GTF2I: variants seen among roughly 807,000 people sequenced by gnomAD.
GTF2I encodes general transcription factor IIi.
Under a neutral mutation model 67.6 loss-of-function variants are expected in GTF2I, and 12 were observed. The observed-to-expected ratio is 0.18, with a 90% confidence interval of 0.11 to 0.29. The LOEUF (loss-of-function observed/expected upper bound fraction) is 0.29, where lower values mean the gene tolerates loss of function less well. Among genes scored for constraint, GTF2I ranks in the 10% least tolerant of loss-of-function variants. GTF2I has a pLI of 1.00. For missense variants in GTF2I, 271 were observed against 580.1 expected (o/e 0.47, Z 5.47); for synonymous variants, 149 against 197.0 (o/e 0.76, Z 2.04).
At chr7:74,662,118 C>T (rs1554386821) in intron 1 of GTF2I, among the ~76,000 whole-genome samples, 1 of 149,708 alleles carries the variant, frequency 6.7e-6, no homozygotes, top group African/African-American at 2.5e-5. Flanking sequence ...CAGAGACTGA[C>T]ATTAAAATGT....
chr7:74,681,070 G>A (rs1026635250), intron 1 of GTF2I, among the ~76,000 whole-genome samples: 1 of 152,278 alleles, frequency 6.6e-6, no homozygotes. Context: ...TCATGAAGGA[G>A]AATTAAAATC....
chr7:74,710,844 A>G (rs1791451808), intron 8 of GTF2I, among the ~76,000 whole-genome samples, 188 bp from the exon 9 acceptor site: 1 of 152,200 alleles, frequency 6.6e-6, no homozygotes, highest in South Asian at 2.1e-4. Context: ...AAAACTTTGC[A>G]TTGGCTGGGA....
intron 1 of GTF2I, among the ~76,000 whole-genome samples, chr7:74,669,061 G>A (rs1367714616): frequency 6.6e-6 from 1 of 151,804 alleles, no homozygotes; most frequent in Admixed American, 6.6e-5. Flanking sequence ...TTATCATGTC[G>A]GGAACAGTAA....
intron 18 of GTF2I, 70 bp from the exon 19 acceptor site, chr7:74,737,974 AC>A: frequency 3.8e-6 from 1 of 259,746 alleles, no homozygotes; most frequent in Non-Finnish European, 7.2e-6. Flanking sequence ...TTGGCAATGA[AC>A]AGCTGTGTGA....
chr7:74,704,276 A>ATTTATTTATTTG (rs1790277049), intron 6 of GTF2I, among the ~76,000 whole-genome samples: 1 of 147,874 alleles, frequency 6.8e-6, no homozygotes, highest in Admixed American at 6.8e-5. Context: ...ATTTTTATTT[A>ATTTATTTATTTG]TTTATTTATT....
chr7:74,705,702 C>CA (rs1399342808), intron 7 of GTF2I, among the ~76,000 whole-genome samples: 3 of 152,000 alleles, frequency 2.0e-5, no homozygotes, highest in African/African-American at 7.2e-5. Context: ...GCAGGGACTA[C>CA]AAGCATGTGC....
At chr7:74,702,826 C>T (rs1790004543) in intron 6 of GTF2I, among the ~76,000 whole-genome samples, 2 of 151,630 alleles carry the variant, frequency 1.3e-5, no homozygotes, top group Non-Finnish European at 2.9e-5. Context: ...CTCAACCTCC[C>T]AGGCTCAAGC....
At chr7:74,698,916 G>A (rs1554399105) in intron 3 of GTF2I, 45 bp from the exon 4 acceptor site, 1 of 993,878 alleles carries the variant, frequency 1.0e-6, no homozygotes, top group Non-Finnish European at 1.4e-6. Context: ...AATGGATATG[G>A]ACCTTATTAT....
At chr7:74,685,661 C>T (rs942008799) in intron 1 of GTF2I, among the ~76,000 whole-genome samples, 3 of 143,698 alleles carry the variant, frequency 2.1e-5, no homozygotes, top group African/African-American at 5.2e-5. Context: ...CAGGTACTCG[C>T]GAGGCTGAAG....
chr7:74,715,846 A>T (rs368758956), intron 10 of GTF2I, among the ~76,000 whole-genome samples: 1 of 152,118 alleles, frequency 6.6e-6, no homozygotes, highest in East Asian at 1.9e-4. Context: ...AACCAAAAAG[A>T]TGTGACCTCA....
At chr7:74,663,642 A>C (rs1804713042) in intron 1 of GTF2I, among the ~76,000 whole-genome samples, 1 of 152,112 alleles carries the variant, frequency 6.6e-6, no homozygotes, top group Non-Finnish European at 1.5e-5. Flanking sequence ...AAAGTAGAAA[A>C]TACACCTAAT....
At chr7:74,730,800 G>A (rs1307862746) in intron 14 of GTF2I, among the ~76,000 whole-genome samples, 1 of 111,734 alleles carries the variant, frequency 8.9e-6, no homozygotes, top group South Asian at 3.6e-4. Flanking sequence ...TCCGCCTCCC[G>A]GGTTCAAGCA....
At chr7:74,704,855 T>TAA (rs35715710) in intron 6 of GTF2I, among the ~76,000 whole-genome samples, 326 of 76,974 alleles carry the variant, frequency 4.2e-3, no homozygotes, top group Middle Eastern at 7.4e-3. Flanking sequence ...ACCCTGTTTC[T>TAA]AAAAAAAAAA....
chr7:74,712,089 G>C (rs1791622953), intron 9 of GTF2I, among the ~76,000 whole-genome samples: 1 of 151,742 alleles, frequency 6.6e-6, no homozygotes, highest in Non-Finnish European at 1.5e-5. Flanking sequence ...AGCTGGGATA[G>C]CAGGTGTGTG....
chr7:74,706,495 A>T lies in GTF2I; in HGVS notation c.685+62A>T. ...AAGGAAGACTTTTCCTTAGTGTAGA[A>T]GTTTATAGTTTGACTCAATTATTGT... On this transcript the variant is annotated intron_variant, in intron 8 of 34. Transcript: ENST00000573035. 4.9e-6 allele frequency: 6 copies of T among 1,228,154 alleles called. No homozygotes were observed. In the Admixed American group the frequency reaches 1.1e-4, roughly 22 times the overall value. The allele number at this position is 1,228,154 out of a possible 1,614,324, so 76.1% of individuals were successfully genotyped here.
intron 1 of GTF2I, among the ~76,000 whole-genome samples, chr7:74,666,905 G>A (rs931706237): frequency 5.3e-5 from 8 of 151,756 alleles, no homozygotes; most frequent in African/African-American, 1.9e-4. Context: ...GTGTGAAACC[G>A]GCAGGCGGAG....
intron 6 of GTF2I, 125 bp downstream of exon 6, chr7:74,700,759 T>C (rs1203816832): frequency 1.1e-6 from 1 of 924,272 alleles, no homozygotes; most frequent in Non-Finnish European, 1.8e-6. Context: ...GGATGGGCTG[T>C]TTAGATGTTT....
At chr7:74,699,659 A>T (rs1357023885) in intron 4 of GTF2I, 3 of 153,310 alleles carry the variant, frequency 2.0e-5, no homozygotes, top group African/African-American at 7.3e-5. Context: ...ACCTTTTCTT[A>T]CTCTTGTCAC....
chr7:74,690,834 T>C, intron 2 of GTF2I, 139 bp from the exon 3 acceptor site: 3 of 780,358 alleles, frequency 3.8e-6, no homozygotes, highest in Non-Finnish European at 4.3e-6. Flanking sequence ...CTGTGTTGTC[T>C]TTTGTTTAAA....
Sources: gnomAD v4.1 joint callset for allele counts (sites outside exome capture counted in the v4.1 genomes callset) on GRCh38, gnomAD v4.1.1 for gene constraint, MANE v1.5 for transcripts, NCBI Gene and HGNC (gene_info 2026-07-23, HGNC 2026-07-21) for gene names.